N4BP2: variants seen among roughly 807,000 people sequenced by gnomAD.
The protein encoded by N4BP2 is NEDD4-binding protein 2.
N4BP2 carries 91 observed loss-of-function variants against 152.8 expected under a neutral mutation model. The observed-to-expected ratio is 0.60, with a 90% confidence interval of 0.50 to 0.71. N4BP2 has a LOEUF of 0.71. Ranked by LOEUF, N4BP2 falls within the 30% of genes least tolerant of loss-of-function variation. The pLI is 0.00. For missense variants in N4BP2, 1,923 were observed against 2,059.1 expected (o/e 0.93, Z 1.28); for synonymous variants, 646 against 705.3 (o/e 0.92, Z 1.33).
chr4:40,123,644 C>T (rs951945572), intron 10 of N4BP2, among the ~76,000 whole-genome samples: 3 of 149,604 alleles, frequency 2.0e-5, no homozygotes, highest in African/African-American at 5.0e-5. Flanking sequence ...TGCCACCACA[C>T]CTAGGTAATT....
In N4BP2 at chr4:40,073,453, A is replaced by G. The variant is rs1053494358; in HGVS notation, c.-211-2A>G. ...CTTTAATATATAACTTTCCTTTCAT[A>G]GTAAGAAGACATGTTGGATAACAAG... On this transcript the variant is annotated splice_acceptor_variant, in intron 1 of 17. Coordinates refer to ENST00000261435, the MANE Select transcript of N4BP2 (RefSeq NM_018177.6). LOFTEE classifies it low-confidence loss of function (5UTR_SPLICE). 2 of 152,158 alleles carry G rather than the reference A, an allele frequency of 1.3e-5. No individual in the cohort carries two copies. Among genetic ancestry groups the G allele is most frequent in the Non-Finnish European group, 2.9e-5 (2 of 68,034 alleles). 9.4% of individuals were successfully genotyped at this position (152,158 alleles called of 1,614,324 possible).
chr4:40,124,087 T>C (rs984657925), intron 10 of N4BP2, 73 bp from the exon 11 acceptor site: 173 of 1,137,528 alleles, frequency 1.5e-4, no homozygotes, highest in Admixed American at 3.0e-4. Context: ...TAGAGAAAAA[T>C]AATATAACCT....
rs1237394007 is a variant in N4BP2 at position 40,138,151 on chromosome 4, C to T, written c.4785+1069C>T. 8.5e-5 allele frequency among the ~76,000 whole-genome samples: 13 copies of T among 152,222 alleles called. No homozygotes were observed. In the East Asian group the frequency reaches 2.3e-3, roughly 27 times the overall value. ...GACATGGTTAATACAGAAATGGTGT[C>T]TTATTGTGGTTTTGATTTGCATTTC... On this transcript the variant is annotated intron_variant, in intron 14 of 17. Transcript: ENST00000261435.
chr4:40,110,424 G>T (rs1156959148), intron 5 of N4BP2, among the ~76,000 whole-genome samples: 4 of 151,992 alleles, frequency 2.6e-5, no homozygotes, highest in East Asian at 1.9e-4. Context: ...CCGTTTTTTT[G>T]ATTATTCCTA....
chr4:40,183,697 A>G, the N4BP2 span, among the ~76,000 whole-genome samples: 1 of 152,228 alleles, frequency 6.6e-6, no homozygotes. Flanking sequence ...GTTATTTGTT[A>G]CTATATCATT....
chr4:40,166,192 A>T, the N4BP2 span, among the ~76,000 whole-genome samples: 1,573 of 152,268 alleles, frequency 0.01, 51 homozygotes, highest in Admixed American at 0.073. Flanking sequence ...AGGAGGAAGG[A>T]AGCTACAAAT....
At chr4:40,184,286 G>C in the N4BP2 span, among the ~76,000 whole-genome samples, 3 of 151,766 alleles carry the variant, frequency 2.0e-5, no homozygotes, top group Non-Finnish European at 4.4e-5. Flanking sequence ...GGCTAGAATG[G>C]AGAAACAGGC....
At chr4:40,093,306 C>G (rs1456331214) in intron 2 of N4BP2, among the ~76,000 whole-genome samples, 1 of 152,054 alleles carries the variant, frequency 6.6e-6, no homozygotes, top group Non-Finnish European at 1.5e-5. Context: ...CCTTCGTTTT[C>G]TGGGTTCTTA....
chr4:40,120,885 C>CA lies in N4BP2; in HGVS notation c.2775dup (p.Ala926SerfsTer3). The CA allele has an allele frequency of 6.2e-7, 1 of 1,614,072 alleles. No individual in the cohort carries two copies. Among genetic ancestry groups the CA allele is most frequent in the Non-Finnish European group, 8.5e-7 (1 of 1,179,998 alleles). ...AAAATGAATGAAATATCCTTATCTA[C>CA]AGCACATGAGGCCTGTTGGGGCACA... On this transcript the variant is annotated frameshift_variant, in exon 9 of 18. Transcript: ENST00000261435. LOFTEE classifies it high-confidence loss of function.
At chr4:40,079,113 G>A (rs1217352637) in intron 2 of N4BP2, among the ~76,000 whole-genome samples, 5 of 151,846 alleles carry the variant, frequency 3.3e-5, no homozygotes, top group African/African-American at 1.2e-4. Context: ...GTAGAGATGG[G>A]GTTTTACCGT....
chr4:40,174,004 C>CTAAAAGGTA, the N4BP2 span, among the ~76,000 whole-genome samples: 2 of 151,906 alleles, frequency 1.3e-5, no homozygotes, highest in African/African-American at 4.8e-5. Context: ...AACACTAAAA[C>CTAAAAGGTA]TACAAAAAAA....
chr4:40,121,944 T>C lies in N4BP2; in HGVS notation c.3833T>C (p.Ile1278Thr). 1.3e-6 allele frequency: 2 copies of C among 1,573,852 alleles called. No individual in the cohort carries two copies. The highest frequency in any genetic ancestry group is 2.0e-5 in the Admixed American group (1 of 49,786). The change falls in exon 9 of 18, where the codon ATA becomes ACA. Residue 1278 changes from isoleucine (I) to threonine (T), a missense_variant. Physicochemically the swap from Ile to Thr is moderately conservative, Grantham distance 89 (BLOSUM62 -1). Coordinates refer to ENST00000261435, the MANE Select transcript of N4BP2 (RefSeq NM_018177.6). ...GTAGTCACAGAGACTGGAGACAACA[T>C]ACATTCTCCTTCACATTTCTCTGAT... ...NLVVTETGDN[I>T]HSPSHFSDIF...
chr4:40,141,626 C>T (rs996219040), intron 14 of N4BP2, among the ~76,000 whole-genome samples: 2 of 151,864 alleles, frequency 1.3e-5, no homozygotes, highest in African/African-American at 4.8e-5. Flanking sequence ...CAGAGGGGCT[C>T]CTCACGTCCC....
chr4:40,125,065 A>G (rs143617683), intron 11 of N4BP2, among the ~76,000 whole-genome samples: 1 of 152,178 alleles, frequency 6.6e-6, no homozygotes, highest in Non-Finnish European at 1.5e-5. Context: ...GTTCCTCCAC[A>G]TGCCTCTGTT....
At chr4:40,140,164 G>A (rs1473646631) in intron 14 of N4BP2, among the ~76,000 whole-genome samples, 1 of 152,094 alleles carries the variant, frequency 6.6e-6, no homozygotes, top group Non-Finnish European at 1.5e-5. Context: ...CCACTCAGGG[G>A]TAAATTAAGT....
intron 1 of N4BP2, among the ~76,000 whole-genome samples, chr4:40,057,832 T>C (rs1733336608): frequency 6.6e-6 from 1 of 152,144 alleles, no homozygotes; most frequent in Admixed American, 6.6e-5. Flanking sequence ...CAGGTCAGTG[T>C]CAGTGTTGGC....
chr4:40,121,800 A>G lies in N4BP2; in HGVS notation c.3689A>G (p.Asn1230Ser), dbSNP rs1717949494. 3 of 1,614,016 alleles carry G rather than the reference A, an allele frequency of 1.9e-6. No individual in the cohort carries two copies. Among genetic ancestry groups the G allele is most frequent in the Admixed American group, 1.7e-5 (1 of 59,978 alleles). The change falls in exon 9 of 18, where the codon AAT becomes AGT. Residue 1230 changes from asparagine (N) to serine (S), a missense_variant. Physicochemically the swap from Asn to Ser is conservative, Grantham distance 46 (BLOSUM62 1). Transcript: ENST00000261435. ...CCCAGTGCTGCTGTGGGTCTAAAGAATAATAATGACATACTTCCTAACAGC... is the reference window on the plus strand; with the variant it reads ...CCCAGTGCTGCTGTGGGTCTAAAGAGTAATAATGACATACTTCCTAACAGC... ...IFPSAAVGLK[N>S]NNDILPNSQE...
chr4:40,109,639 A>T (rs184440128), intron 5 of N4BP2, among the ~76,000 whole-genome samples: 103 of 151,692 alleles, frequency 6.8e-4, no homozygotes, highest in African/African-American at 2.4e-3. Context: ...AATTGCTTGA[A>T]CCTGGGAGGC....
chr4:40,152,882 A>G lies in N4BP2; in HGVS notation c.5246A>G (p.Tyr1749Cys). The G allele has an allele frequency of 6.2e-7, 1 of 1,614,072 alleles. No individual in the cohort carries two copies. The highest frequency in any genetic ancestry group is 1.3e-5 in the African/African-American group (1 of 75,046). ...VARIKPAVIK[Y>C]LISHSFRFSE... ...CGCATCAAACCAGCTGTCATTAAGT[A>G]CCTCATAAGCCATAGCTTCAGGTGA... Residue 1749 changes from tyrosine (Y) to cysteine (C), a missense_variant, in exon 17 of 18, where the codon TAC becomes TGC. Coordinates refer to ENST00000261435, the MANE Select transcript of N4BP2 (RefSeq NM_018177.6).
Sources: gnomAD v4.1 joint callset for allele counts (sites outside exome capture counted in the v4.1 genomes callset) on GRCh38, gnomAD v4.1.1 for gene constraint, MANE v1.5 for transcripts, NCBI Gene and HGNC (gene_info 2026-07-23, HGNC 2026-07-21) for gene names.